EXTL3: variants seen among roughly 807,000 people sequenced by gnomAD.
EXTL3 encodes the protein exostosin like glycosyltransferase 3.
In EXTL3, 27 loss-of-function variants were observed where a neutral mutation model predicts 69.3. That is an observed-to-expected ratio of 0.39 (90% CI 0.29 to 0.54). The LOEUF is 0.54. Ranked by LOEUF, EXTL3 falls within the 20% of genes least tolerant of loss-of-function variation. The pLI, the probability that EXTL3 is intolerant of heterozygous loss-of-function variation, is 0.69. For synonymous variants in EXTL3, 511 were observed against 499.4 expected (o/e 1.02, Z -0.31); for missense variants, 1,003 against 1,231.8 (o/e 0.81, Z 2.78).
At position 28,636,234 on chromosome 8, in the gene EXTL3, A is replaced by C. The variant is rs527396917; in HGVS notation, c.-53+13424A>C. ...GTAGTCCCAGCTGCTTGGGTGGCTG[A>C]GGCAGGAGAATTGCCTGAACCCAGG... On this transcript the variant is annotated intron_variant, in intron 1 of 6. Coordinates refer to the EXTL3 transcript ENST00000523149. Among the ~76,000 whole-genome samples, 5 of 151,404 alleles carry C rather than the reference A, an allele frequency of 3.3e-5. No homozygotes were observed. The East Asian group carries it at 9.8e-4, about 30-fold the overall frequency.
chr8:28,689,344 A>G (rs181293), intron 1 of EXTL3, among the ~76,000 whole-genome samples: 53,954 of 151,990 alleles, frequency 0.35, 10,607 homozygotes, highest in African/African-American at 0.54. Context: ...ACTCTCTCCC[A>G]CAGCTCCAGC....
In EXTL3 at chr8:28,614,213, C is replaced by A. The variant is rs141073403; in HGVS notation, n.314+6455C>A. Among the ~76,000 whole-genome samples, 68 of 141,618 alleles carry A rather than the reference C, an allele frequency of 4.8e-4. 1 individual carries two copies. The highest frequency in any genetic ancestry group is 1.5e-3 in the African/African-American group (57 of 38,448). 92.9% of individuals were successfully genotyped at this position (141,618 alleles called of 152,430 possible). On this transcript the variant is annotated intron_variant and non_coding_transcript_variant, in intron 2 of 4. Coordinates refer to the EXTL3 transcript ENST00000522725. The stretch of plus-strand genomic sequence containing the variant: ...TCTATTGATTTTCTGTTTTCAGTTT[C>A]TTTGATTTTTAGCCTAATTTTTATT...
At chr8:28,723,238 G>A (rs1292734382) in intron 3 of EXTL3, among the ~76,000 whole-genome samples, 1 of 152,126 alleles carries the variant, frequency 6.6e-6, no homozygotes, top group Non-Finnish European at 1.5e-5. Context: ...GCTTCTCCAG[G>A]TCCAAGACTG....
At chr8:28,608,309 G>T (rs1159904160) in intron 2 of EXTL3, among the ~76,000 whole-genome samples, 1 of 151,982 alleles carries the variant, frequency 6.6e-6, no homozygotes, top group African/African-American at 2.4e-5. Context: ...TAGTGAGCTT[G>T]TGCATTTAGG....
chr8:28,709,023 CATG>C lies in EXTL3; in HGVS notation c.-569-4431_-569-4429del, dbSNP rs1286403011. Among the ~76,000 whole-genome samples, 6 of 152,172 alleles carry C rather than the reference CATG, an allele frequency of 3.9e-5. No homozygotes were observed. In the East Asian group the frequency reaches 9.6e-4, roughly 24 times the overall value. Reference sequence around the variant, plus strand: ...ATATGGAGAATGTAAAAATGATACACATGATAGGCATGTGTGTGTGTGCCTGCT... The same window carrying C: ...ATATGGAGAATGTAAAAATGATACACATAGGCATGTGTGTGTGTGCCTGCT... On this transcript the variant is annotated intron_variant, in intron 1 of 6. Coordinates refer to ENST00000220562, the MANE Select transcript of EXTL3 (RefSeq NM_001440.4).
At chr8:28,676,216 C>T (rs1807380235) in intron 1 of EXTL3, among the ~76,000 whole-genome samples, 1 of 152,086 alleles carries the variant, frequency 6.6e-6, no homozygotes, top group South Asian at 2.1e-4. Flanking sequence ...GAGGCCTACT[C>T]ACCCACCCTG....
Position 28,716,803 on chromosome 8 carries a change from G to C in EXTL3, c.744G>C (p.Pro248=). 1 of 1,614,264 alleles carries C rather than the reference G, an allele frequency of 6.2e-7. No homozygotes were observed. The highest frequency in any genetic ancestry group is 1.6e-4 in the Middle Eastern group (1 of 6,062). Residue 248 remains proline, a synonymous_variant, in exon 3 of 7, where the codon CCG becomes CCC. Coordinates refer to ENST00000220562, the MANE Select transcript of EXTL3 (RefSeq NM_001440.4). This position sits in a 1 kb window ranked among gnomAD's most constrained non-coding sequence, Gnocchi z 7.1. ...TACTAGTGGGAGAGATGCAGGAGCC[G>C]GTGGTGCTGCGGCCTGCTGAGCTGG... The part of the protein sequence containing the change: ...YVILVGEMQE[P]VVLRPAELEK...
Position 28,660,974 on chromosome 8 carries a change from C to T in EXTL3, c.-53+38164C>T, listed in dbSNP as rs1219941528. Among the ~76,000 whole-genome samples, 10 of 145,474 alleles carry T rather than the reference C, an allele frequency of 6.9e-5. No homozygotes were observed. In the East Asian group the frequency reaches 1.4e-3, roughly 21 times the overall value. On this transcript the variant is annotated intron_variant, in intron 1 of 6. Coordinates refer to the EXTL3 transcript ENST00000523149. ...TGTTGCCCAGGCTGGAGTGCAGTGG[C>T]GCGATCTCTGCTCACTGCAAGCTCC...
At chr8:28,712,963 G>A (rs1199551053) in intron 1 of EXTL3, among the ~76,000 whole-genome samples, 2 of 148,796 alleles carry the variant, frequency 1.3e-5, no homozygotes, top group Non-Finnish European at 3.0e-5. Context: ...AAGAGAGCCT[G>A]ATATAATAAG....
Position 28,731,300 on chromosome 8 carries a change from C to T in EXTL3, c.2226C>T (p.Ser742=). The change falls in exon 4 of 7, where the codon TCC becomes TCT. Residue 742 remains serine (S), a synonymous_variant. Transcript: ENST00000220562. ...AAATTGAGACAGAGGCCATCCTGTC[C>T]ATTGATGACGATGCTCACCTCCGCC... is the stretch of plus-strand genomic sequence containing the variant. The part of the protein sequence containing the change: ...WNEIETEAIL[S]IDDDAHLRHD... 1.9e-6 allele frequency: 3 copies of T among 1,614,132 alleles called. No homozygotes were observed. The highest frequency in any genetic ancestry group is 2.5e-6 in the Non-Finnish European group (3 of 1,179,988).
At chr8:28,644,211 G>A (rs1158290964) in intron 1 of EXTL3, among the ~76,000 whole-genome samples, 2 of 151,984 alleles carry the variant, frequency 1.3e-5, no homozygotes, top group Non-Finnish European at 2.9e-5. Flanking sequence ...AAAGATGGAT[G>A]TGATTCATTT....
intron 1 of EXTL3, among the ~76,000 whole-genome samples, chr8:28,674,144 A>G (rs566614814): frequency 2.0e-5 from 3 of 152,302 alleles, no homozygotes; most frequent in African/African-American, 7.2e-5. Context: ...CAGTAGCACA[A>G]TCATGGCTCA....
intron 5 of EXTL3, 88 bp from the exon 6 acceptor site, chr8:28,742,998 C>A: frequency 1.4e-6 from 2 of 1,467,312 alleles, no homozygotes; most frequent in South Asian, 1.1e-5. Context: ...CACACCCAAA[C>A]AGCCCCTCCA....
intron 1 of EXTL3, among the ~76,000 whole-genome samples, chr8:28,651,245 C>T (rs1212932365): frequency 2.0e-5 from 3 of 152,146 alleles, no homozygotes; most frequent in Non-Finnish European, 2.9e-5. Flanking sequence ...TGAGTATTTT[C>T]CTAGGCTTCA....
chr8:28,726,100 C>T (rs1268145782), intron 3 of EXTL3, among the ~76,000 whole-genome samples: 1 of 151,940 alleles, frequency 6.6e-6, no homozygotes, highest in Non-Finnish European at 1.5e-5. Flanking sequence ...GGATTACAGG[C>T]GCACACCACC....
chr8:28,622,255 C>T (rs1386675569), upstream of EXTL3, among the ~76,000 whole-genome samples: 3 of 152,252 alleles, frequency 2.0e-5, no homozygotes. Context: ...GGAGGTAGCC[C>T]CGCACTCTAA....
intron 2 of EXTL3, among the ~76,000 whole-genome samples, chr8:28,617,135 CA>C (rs1806340758): frequency 6.6e-6 from 1 of 152,122 alleles, no homozygotes; most frequent in South Asian, 2.1e-4. Flanking sequence ...GGAGTGTCTG[CA>C]AGATTGCCCT....
At chr8:28,641,638 A>G (rs537811094) in intron 1 of EXTL3, among the ~76,000 whole-genome samples, 39 of 150,778 alleles carry the variant, frequency 2.6e-4, no homozygotes, top group Non-Finnish European at 4.7e-4. Context: ...CACCACGCCT[A>G]ATTTTTGTAT....
chr8:28,642,028 G>T (rs1298320453), intron 1 of EXTL3, among the ~76,000 whole-genome samples: 1 of 151,750 alleles, frequency 6.6e-6, no homozygotes, highest in East Asian at 2.0e-4. Context: ...GTAGAGATGG[G>T]ATTTCACTGT....
Sources: gnomAD v4.1 joint callset for allele counts (sites outside exome capture counted in the v4.1 genomes callset) on GRCh38, gnomAD v4.1.1 for gene constraint, Gnocchi (gnomAD v3.1) non-coding constraint, MANE v1.5 for transcripts, NCBI Gene and HGNC (gene_info 2026-07-23, HGNC 2026-07-21) for gene names.